Variants in C10orf88 observed in about 807,000 individuals in gnomAD.
C10orf88 encodes the protein chromosome 10 open reading frame 88.
In C10orf88, 29 loss-of-function variants were observed where a neutral mutation model predicts 34.2. The ratio of observed to expected loss-of-function variants is 0.85; its 90% CI spans 0.63 to 1.16. The LOEUF (loss-of-function observed/expected upper bound fraction) is 1.16, where lower values mean the gene tolerates loss of function less well. Ranked by LOEUF, C10orf88 falls within the 50% of genes most tolerant of loss-of-function variation. The pLI, the probability that C10orf88 is intolerant of heterozygous loss-of-function variation, is 0.00. For missense variants in C10orf88, 507 were observed against 533.2 expected, an observed-to-expected ratio of 0.95 and a Z score of 0.48; for synonymous variants, 194 against 197.4, an observed-to-expected ratio of 0.98 and a Z score of 0.15.
chr10:122,954,007 C>T lies in C10orf88; in HGVS notation c.164+8G>A. 6.6e-7 allele frequency: 1 copy of T among 1,514,584 alleles called. No homozygotes were observed. The highest frequency in any genetic ancestry group is 8.8e-7 in the Non-Finnish European group (1 of 1,135,678). The allele number at this position is 1,514,584 out of a possible 1,614,324, so 93.8% of individuals were successfully genotyped here. The stretch of plus-strand genomic sequence containing the variant: ...CATAGCGACCCCGTCCCCGTCGGCC[C>T]GGCGCACCCTGGAGCAGGCGGTGCC... On this transcript the variant is annotated splice_region_variant and intron_variant, in intron 1 of 5. Coordinates refer to ENST00000481909, the MANE Select transcript of C10orf88 (RefSeq NM_024942.4).
At chr10:122,938,883 T>C (rs578126555) in intron 4 of C10orf88, among the ~76,000 whole-genome samples, 14 of 152,028 alleles carry the variant, frequency 9.2e-5, no homozygotes, top group Non-Finnish European at 1.9e-4. Flanking sequence ...TTATGCTCTT[T>C]AATTTTTCCA....
intron 4 of C10orf88, among the ~76,000 whole-genome samples, chr10:122,941,808 T>C (rs1003540832): frequency 3.9e-5 from 6 of 151,986 alleles, no homozygotes; most frequent in African/African-American, 1.4e-4. Context: ...GCATTAGTGG[T>C]GAGAAGAAAG....
chr10:122,934,809 T>C (rs986598574), intron 5 of C10orf88, among the ~76,000 whole-genome samples: 3 of 152,138 alleles, frequency 2.0e-5, no homozygotes, highest in African/African-American at 4.8e-5. Flanking sequence ...CCAAACATCT[T>C]TGTCAGCATT....
chr10:122,944,175 C>T (rs1848613695), intron 4 of C10orf88, among the ~76,000 whole-genome samples: 1 of 151,724 alleles, frequency 6.6e-6, no homozygotes, highest in African/African-American at 2.4e-5. Flanking sequence ...CACATATACA[C>T]CATGGAATAC....
intron 4 of C10orf88, among the ~76,000 whole-genome samples, chr10:122,941,219 T>G (rs1248819022): frequency 1.3e-5 from 2 of 152,150 alleles, no homozygotes; most frequent in African/African-American, 4.8e-5. Flanking sequence ...GACAATCATA[T>G]GCTACACCCT....
chr10:122,950,626 C>A (rs1317755722), intron 3 of C10orf88, among the ~76,000 whole-genome samples: 1 of 152,206 alleles, frequency 6.6e-6, no homozygotes, highest in Non-Finnish European at 1.5e-5. Context: ...GCCTTTTTCA[C>A]CATTAAATAT....
rs188147512 is a variant in C10orf88 at position 122,934,700 on chromosome 10, G to A, written c.1104-2039C>T. On this transcript the variant is annotated intron_variant, in intron 5 of 5. Coordinates refer to ENST00000481909, the MANE Select transcript of C10orf88 (RefSeq NM_024942.4). The stretch of plus-strand genomic sequence containing the variant: ...CAGGAGTATAATTGCTGGGTTGTAC[G>A]GTAACTGTATGTTTAGTTTTTAAGA... 7.2e-5 allele frequency among the ~76,000 whole-genome samples: 11 copies of A among 152,168 alleles called. No homozygotes were observed. The East Asian group carries it at 1.5e-3, about 21-fold the overall frequency.
intron 4 of C10orf88, among the ~76,000 whole-genome samples, chr10:122,939,960 A>G (rs1848568052): frequency 6.6e-6 from 1 of 151,978 alleles, no homozygotes; most frequent in East Asian, 1.9e-4. Flanking sequence ...AGAATGTAAA[A>G]TAGTATAGCA....
intron 5 of C10orf88, among the ~76,000 whole-genome samples, chr10:122,933,032 T>C (rs1449425746): frequency 1.3e-5 from 2 of 152,106 alleles, no homozygotes; most frequent in Admixed American, 1.3e-4. Flanking sequence ...CTCTATAAAG[T>C]TTTTCTTCCT....
chr10:122,938,396 CCA>C (rs1378044866), intron 4 of C10orf88, among the ~76,000 whole-genome samples: 1 of 151,986 alleles, frequency 6.6e-6, no homozygotes, highest in Non-Finnish European at 1.5e-5. Flanking sequence ...TCACTTAACT[CCA>C]CAGTCATGAC....
At chr10:122,949,784 C>T (rs977972804) in intron 3 of C10orf88, among the ~76,000 whole-genome samples, 3 of 152,136 alleles carry the variant, frequency 2.0e-5, no homozygotes, top group Non-Finnish European at 4.4e-5. Flanking sequence ...TGCTACTTAA[C>T]ACAAAATAAG....
At chr10:122,943,219 G>C (rs1329931506) in intron 4 of C10orf88, among the ~76,000 whole-genome samples, 1 of 132,096 alleles carries the variant, frequency 7.6e-6, no homozygotes, top group Non-Finnish European at 1.6e-5. Context: ...AAATAACGCC[G>C]CATATCTACA....
At chr10:122,951,864 C>A in intron 3 of C10orf88, 90 bp downstream of exon 3, 1 of 789,716 alleles carries the variant, frequency 1.3e-6, no homozygotes, top group Non-Finnish European at 2.1e-6. Context: ...GCAAGTTGGA[C>A]TAATTGTATT....
chr10:122,939,567 T>C (rs1298094533), intron 4 of C10orf88, among the ~76,000 whole-genome samples: 3 of 151,902 alleles, frequency 2.0e-5, no homozygotes, highest in Non-Finnish European at 4.4e-5. Flanking sequence ...TGTAAGTTTA[T>C]CTTGTTTTAT....
rs558385555 is a variant in C10orf88 at position 122,941,531 on chromosome 10, C to T, written c.649-3372G>A. Among the ~76,000 whole-genome samples, 80 of 152,144 alleles carry T rather than the reference C, an allele frequency of 5.3e-4. 1 individual carries two copies. The highest frequency in any genetic ancestry group is 9.6e-4 in the Non-Finnish European group (65 of 67,988). On this transcript the variant is annotated intron_variant, in intron 4 of 5. Coordinates refer to ENST00000481909, the MANE Select transcript of C10orf88 (RefSeq NM_024942.4). ...AACATGTGTGATCACACCACTTACACGGAAGGAGTTGATTTGGTCATGAAA... is the reference window on the plus strand; with the variant it reads ...AACATGTGTGATCACACCACTTACATGGAAGGAGTTGATTTGGTCATGAAA...
At position 122,932,378 on chromosome 10, in the gene C10orf88, G is replaced by T. The variant is rs2133326164; in HGVS notation, c.*49C>A. On this transcript the variant is annotated 3_prime_UTR_variant, in exon 6 of 6. Transcript: ENST00000481909. Reference sequence around the variant, plus strand: ...ATAAATATTTTTGGGTTTTGGCTTTGTAATAAATATGTAATAAATATCTGC... The same window carrying T: ...ATAAATATTTTTGGGTTTTGGCTTTTTAATAAATATGTAATAAATATCTGC... 2.0e-6 allele frequency: 3 copies of T among 1,466,944 alleles called. No homozygotes were observed. The East Asian group carries it at 6.9e-5, about 34-fold the overall frequency. 90.9% of individuals were successfully genotyped at this position (1,466,944 alleles called of 1,614,324 possible).
At chr10:122,950,233 T>C (rs1356687345) in intron 3 of C10orf88, among the ~76,000 whole-genome samples, 1 of 152,224 alleles carries the variant, frequency 6.6e-6, no homozygotes, top group African/African-American at 2.4e-5. Flanking sequence ...TTCACATAGT[T>C]GTTGCGAGGA....
intron 4 of C10orf88, 38 bp from the exon 5 acceptor site, chr10:122,938,197 C>A (rs1274927149): frequency 1.3e-6 from 2 of 1,488,028 alleles, no homozygotes; most frequent in African/African-American, 2.8e-5. Flanking sequence ...ATATTAATAA[C>A]ACTGACAGCT....
chr10:122,938,232 TCAGGCA>T lies in C10orf88; in HGVS notation c.649-79_649-74del, dbSNP rs544453916. 396 of 1,204,060 alleles carry T rather than the reference TCAGGCA, an allele frequency of 3.3e-4. 3 individuals are homozygous for T. In the African/African-American group the frequency reaches 4.5e-3, roughly 14 times the overall value. 74.6% of individuals were successfully genotyped at this position (1,204,060 alleles called of 1,614,324 possible). On this transcript the variant is annotated intron_variant, in intron 4 of 5. Transcript: ENST00000481909. ...TAACTTTTGGAGTAATTACTATGAG[TCAGGCA>T]CTGTGCATTGTTTCATCCAATCCTC...
Sources: gnomAD v4.1 joint callset for allele counts (sites outside exome capture counted in the v4.1 genomes callset) on GRCh38, gnomAD v4.1.1 for gene constraint, MANE v1.5 for transcripts, NCBI Gene and HGNC (gene_info 2026-07-23, HGNC 2026-07-21) for gene names.